RPTOR: variants seen among roughly 807,000 people sequenced by gnomAD.
RPTOR encodes regulatory-associated protein of mTOR.
Under a neutral mutation model 169.9 loss-of-function variants are expected in RPTOR, and 21 were observed. The ratio of observed to expected loss-of-function variants is 0.12; its 90% CI spans 0.09 to 0.18. The LOEUF is 0.18. RPTOR is among the 10% of genes least tolerant of loss of function. The probability of loss-of-function intolerance (pLI) is 1.00; values close to 1 mark genes in which losing one functional copy is unlikely to be tolerated. For missense variants in RPTOR, 1,133 were observed against 1,855.9 expected, an observed-to-expected ratio of 0.61 and a Z score of 7.16; for synonymous variants, 732 against 753.2, an observed-to-expected ratio of 0.97 and a Z score of 0.46.
intron 5 of RPTOR, among the ~76,000 whole-genome samples, chr17:80,736,364 G>C (rs1460455687): frequency 6.6e-6 from 1 of 152,042 alleles, no homozygotes; most frequent in Non-Finnish European, 1.5e-5. Flanking sequence ...CCTGTCCGAC[G>C]GTCACTCACT....
At chr17:80,858,407 C>G (rs2067880028) in intron 13 of RPTOR, among the ~76,000 whole-genome samples, 1 of 152,264 alleles carries the variant, frequency 6.6e-6, no homozygotes, top group East Asian at 1.9e-4. Context: ...ACGGGGCTGT[C>G]CAGCTCTGTC....
chr17:80,678,014 A>G (rs1461037392), intron 3 of RPTOR, among the ~76,000 whole-genome samples: 1 of 152,220 alleles, frequency 6.6e-6, no homozygotes, highest in African/African-American at 2.4e-5. Flanking sequence ...TAGAAGAACA[A>G]GAAGGAGAAA....
chr17:80,555,168 T>C (rs887137035), intron 1 of RPTOR, among the ~76,000 whole-genome samples: 1 of 152,242 alleles, frequency 6.6e-6, no homozygotes, highest in Non-Finnish European at 1.5e-5. Flanking sequence ...ATCAGGTGGC[T>C]GGTCAGAAAT....
intron 3 of RPTOR, among the ~76,000 whole-genome samples, chr17:80,668,870 AC>A (rs1300390687): frequency 2.2e-4 from 33 of 152,388 alleles, no homozygotes; most frequent in Middle Eastern, 3.4e-3. Flanking sequence ...TCAGAGAAGA[AC>A]AACTGTTTTA....
chr17:80,621,731 C>T (rs959971374), intron 1 of RPTOR, among the ~76,000 whole-genome samples: 5 of 152,372 alleles, frequency 3.3e-5, no homozygotes, highest in East Asian at 1.9e-4. Flanking sequence ...CACAGGGAGT[C>T]ACCATTGATC....
chr17:80,926,159 T>C (rs2068809402), intron 24 of RPTOR, among the ~76,000 whole-genome samples: 2 of 152,242 alleles, frequency 1.3e-5, no homozygotes, highest in Non-Finnish European at 2.9e-5. Context: ...CTCGATTGTA[T>C]ATCAAGCTTG....
rs975884286 is a variant in RPTOR, at chr17:80,845,055, G to A, written c.1213-1418G>A. ...GTGTGTTAAGTGGAAGTGACTCTCC[G>A]TGGAGGGAATCAGGCCGGACTGCTC... is the stretch of plus-strand genomic sequence containing the variant. On this transcript the variant is annotated intron_variant, in intron 10 of 33. Transcript: ENST00000306801. The surrounding 1 kb of genome is among the most constrained non-coding windows in gnomAD (Gnocchi z 5.4). Among the ~76,000 whole-genome samples, 5 of 151,332 alleles carry A rather than the reference G, an allele frequency of 3.3e-5. No homozygotes were observed. Among genetic ancestry groups the A allele is most frequent in the South Asian group, 2.1e-4 (1 of 4,758 alleles).
In RPTOR at chr17:80,700,715, G is replaced by A. The variant is rs369677074; in HGVS notation, c.349-7126G>A. Among the ~76,000 whole-genome samples the A allele has an allele frequency of 3.7e-3, 111 of 30,402 alleles. 1 individual carries two copies. The highest frequency in any genetic ancestry group is 6.5e-3 in the East Asian group (5 of 766). The allele number at this position is 30,402 out of a possible 152,430, so 19.9% of individuals were successfully genotyped here. Reference sequence around the variant, plus strand: ...GATGGTGATGGTGGTGGTGATGGTGGTGGTGGTGGTGGTGATGATGGTGGT... The same window carrying A: ...GATGGTGATGGTGGTGGTGATGGTGATGGTGGTGGTGGTGATGATGGTGGT... On this transcript the variant is annotated intron_variant, in intron 3 of 33. Transcript: ENST00000306801.
intron 1 of RPTOR, among the ~76,000 whole-genome samples, chr17:80,612,321 G>C (rs967903735): frequency 6.6e-6 from 1 of 152,154 alleles, no homozygotes; most frequent in Non-Finnish European, 1.5e-5. Flanking sequence ...TGTAGAGACA[G>C]GGTCTTGCTG....
chr17:80,601,556 T>TTCTTTTTTTTTTA (rs1179551800), intron 1 of RPTOR, among the ~76,000 whole-genome samples: 1 of 7,218 alleles, frequency 1.4e-4, no homozygotes, highest in South Asian at 3.3e-3. Flanking sequence ...TGGTTCAGTC[T>TTCTTTTTTTTTTA]TTTTTTTTTT....
intron 18 of RPTOR, among the ~76,000 whole-genome samples, chr17:80,892,527 G>C (rs2068339132): frequency 6.6e-6 from 1 of 152,248 alleles, no homozygotes; most frequent in African/African-American, 2.4e-5. Flanking sequence ...AGAGCCACAA[G>C]CGGTTGTTGT....
In RPTOR at chr17:80,746,772, G is replaced by A. The variant is rs2066579928; in HGVS notation, c.655-7238G>A. 6.6e-6 allele frequency among the ~76,000 whole-genome samples: 1 copy of A among 152,144 alleles called. No individual in the cohort carries two copies. On this transcript the variant is annotated intron_variant, in intron 5 of 33. Coordinates refer to ENST00000306801, the MANE Select transcript of RPTOR (RefSeq NM_020761.3). The surrounding 1 kb of genome is among the most constrained non-coding windows in gnomAD (Gnocchi z 4.5). ...TTTCTGAAAGATAGTTTCAATTACG[G>A]GGTCAATATCTTAGGTAGATGCAAA...
chr17:80,545,372 C>A lies in RPTOR; in HGVS notation c.-258C>A, dbSNP rs1046541484. On this transcript the variant is annotated 5_prime_UTR_variant, in exon 1 of 34. Transcript: ENST00000306801. ...CTCAGGAGCAGCCAGTGGCTTGGGACCTGGGGTGGTGTGTGTCTGCGGAGC... is the reference window on the plus strand; with the variant it reads ...CTCAGGAGCAGCCAGTGGCTTGGGAACTGGGGTGGTGTGTGTCTGCGGAGC... 2.2e-5 allele frequency: 8 copies of A among 369,098 alleles called. No individual in the cohort carries two copies. The highest frequency in any genetic ancestry group is 3.9e-5 in the Non-Finnish European group (8 of 203,954). The allele number at this position is 369,098 out of a possible 1,614,324, so 22.9% of individuals were successfully genotyped here.
Position 80,844,274 on chromosome 17 carries a change from G to C in RPTOR, c.1213-2199G>C, listed in dbSNP as rs1157376418. Among the ~76,000 whole-genome samples the C allele has an allele frequency of 2.0e-5, 3 of 152,186 alleles. No homozygotes were observed. Among genetic ancestry groups the C allele is most frequent in the Non-Finnish European group, 4.4e-5 (3 of 68,044 alleles). On this transcript the variant is annotated intron_variant, in intron 10 of 33. Transcript: ENST00000306801. This position sits in a 1 kb window ranked among gnomAD's most constrained non-coding sequence, Gnocchi z 4.7. ...CTTCACCGCGCACCTGCCAGGCAAAGGTGTGCTTTTCCTTTTTTGTCAGTT... is the reference window on the plus strand; with the variant it reads ...CTTCACCGCGCACCTGCCAGGCAAACGTGTGCTTTTCCTTTTTTGTCAGTT...
chr17:80,801,596 A>G (rs2067158400), intron 7 of RPTOR: 1 of 152,236 alleles, frequency 6.6e-6, no homozygotes, highest in African/African-American at 2.4e-5. Flanking sequence ...AGTCATACAC[A>G]TGGATTATGT....
chr17:80,561,441 GT>G (rs1325044666), intron 1 of RPTOR, among the ~76,000 whole-genome samples: 1 of 148,992 alleles, frequency 6.7e-6, no homozygotes, highest in African/African-American at 2.5e-5. Context: ...TTTATTTTTA[GT>G]TTTTTTGAGG....
chr17:80,906,839 A>G (rs1026016695), intron 20 of RPTOR, among the ~76,000 whole-genome samples: 21 of 151,806 alleles, frequency 1.4e-4, no homozygotes, highest in African/African-American at 5.1e-4. Flanking sequence ...ACAATCACTC[A>G]CTGCAACACG....
chr17:80,620,078 G>A (rs537360707), intron 1 of RPTOR, among the ~76,000 whole-genome samples: 155 of 152,270 alleles, frequency 1.0e-3, no homozygotes, highest in African/African-American at 3.7e-3. Flanking sequence ...CACCTGAGAG[G>A]TCATCTGTCT....
At chr17:80,605,502 G>A (rs550352794) in intron 1 of RPTOR, among the ~76,000 whole-genome samples, 4 of 152,272 alleles carry the variant, frequency 2.6e-5, no homozygotes, top group Admixed American at 2.0e-4. Flanking sequence ...TGAGGAAACC[G>A]TGTCTCAGTT....
Sources: gnomAD v4.1 joint callset for allele counts (sites outside exome capture counted in the v4.1 genomes callset) on GRCh38, gnomAD v4.1.1 for gene constraint, Gnocchi (gnomAD v3.1) non-coding constraint, MANE v1.5 for transcripts, NCBI Gene and HGNC (gene_info 2026-07-23, HGNC 2026-07-21) for gene names.